The following DNAH5 variants were observed in gnomAD, a reference collection of about 807,000 sequenced individuals.
The protein encoded by DNAH5 is dynein axonemal heavy chain 5, also known as axonemal beta dynein heavy chain 5.
A neutral mutation model predicts 518.2 loss-of-function variants in DNAH5; 372 were observed. The observed-to-expected ratio is 0.72, with a 90% CI of 0.66 to 0.78. The LOEUF (loss-of-function observed/expected upper bound fraction) is 0.78. Among genes scored for constraint, DNAH5 ranks in the 30% least tolerant of loss-of-function variants. DNAH5 has a pLI of 0.00. For missense variants in DNAH5, 5,523 were observed against 5,687.0 expected (o/e 0.97, Z 0.93); for synonymous variants, 2,039 against 2,025.9 (o/e 1.01, Z -0.17).
At position 13,794,012 on chromosome 5, in the gene DNAH5, C is replaced by T. The variant is rs866732649; in HGVS notation, c.7934G>A (p.Gly2645Asp). 1 of 1,614,040 alleles carries T rather than the reference C, an allele frequency of 6.2e-7. No homozygotes were observed. The highest frequency in any genetic ancestry group is 8.5e-7 in the Non-Finnish European group (1 of 1,179,968). ...YVDKRMGTTY[G>D]PPAGKKMTVF... is the part of the protein sequence containing the mutation. ...AGTCATCTTCTTTCCCGCAGGAGGGCCATATGTTGTACCCATTCGTTTATC... is the reference window on the plus strand; with the variant it reads ...AGTCATCTTCTTTCCCGCAGGAGGGTCATATGTTGTACCCATTCGTTTATC... The change falls in exon 48 of 79, where the codon GGC becomes GAC. Residue 2645 changes from glycine to aspartate, a missense_variant. By Grantham distance (94) the Gly-to-Asp change is moderately conservative (BLOSUM62 -1). Around this residue, in one of 3 missense-constraint regions of DNAH5, gnomAD observed 5,121 missense variants for 5,223.3 expected, o/e 0.98. Coordinates refer to ENST00000265104, the MANE Select transcript of DNAH5 (RefSeq NM_001369.3).
At chr5:13,911,314 G>A in intron 12 of DNAH5, 72 bp downstream of exon 12, 1 of 1,178,764 alleles carries the variant, frequency 8.5e-7, no homozygotes, top group Non-Finnish European at 1.3e-6. Flanking sequence ...ATTGGGTAAT[G>A]ATTAACGGCA....
chr5:13,793,781 C>A (rs969863238), intron 48 of DNAH5, 53 bp from the exon 49 acceptor site: 1 of 1,587,994 alleles, frequency 6.3e-7, no homozygotes, highest in African/African-American at 1.3e-5. Flanking sequence ...ATCCCCGGAG[C>A]CTAACTCCTT....
intron 1 of DNAH5, among the ~76,000 whole-genome samples, chr5:13,941,377 T>A (rs765353852): frequency 2.8e-4 from 43 of 152,136 alleles, no homozygotes; most frequent in Admixed American, 5.2e-4. Flanking sequence ...AAAAAATTTT[T>A]AAATAGACAG....
At chr5:13,716,285 C>A (rs1421445782) in intron 74 of DNAH5, among the ~76,000 whole-genome samples, 2 of 152,074 alleles carry the variant, frequency 1.3e-5, no homozygotes, top group African/African-American at 4.8e-5. Flanking sequence ...ACGATTCACA[C>A]AAAACACACA....
chr5:13,972,857 C>T (rs937243701), intron 1 of DNAH5, among the ~76,000 whole-genome samples: 4 of 152,218 alleles, frequency 2.6e-5, no homozygotes, highest in African/African-American at 7.2e-5. Context: ...TGCCTCCTAT[C>T]TGCTATTTCT....
chr5:13,842,423 A>AAAAGAAAGAAAGAAAGAAAGAAAGAAAG (rs77171541), intron 32 of DNAH5, among the ~76,000 whole-genome samples: 3 of 75,898 alleles, frequency 4.0e-5, no homozygotes, highest in Non-Finnish European at 7.2e-5. Context: ...AAAAGAAAAG[A>AAAAGAAAGAAAGAAAGAAAGAAAGAAAG]AAAGAAAGAA....
intron 1 of DNAH5, among the ~76,000 whole-genome samples, chr5:13,950,345 T>C (rs1469788954): frequency 6.6e-6 from 1 of 152,138 alleles, no homozygotes; most frequent in African/African-American, 2.4e-5. Context: ...GGCGTGATCT[T>C]GGCTCACTAC....
chr5:13,752,062 TTCTA>T, intron 64 of DNAH5, 68 bp downstream of exon 64: 3 of 1,521,442 alleles, frequency 2.0e-6, no homozygotes, highest in Non-Finnish European at 2.7e-6. Flanking sequence ...ATTGAGAGAA[TTCTA>T]TCTGTGTCAC....
chr5:14,001,665 G>GA (rs1784361323), intron 1 of DNAH5, among the ~76,000 whole-genome samples: 2 of 149,196 alleles, frequency 1.3e-5, no homozygotes, highest in Non-Finnish European at 3.0e-5. Context: ...GCCCAGCCTA[G>GA]TTTTTTTCTT....
chr5:13,910,893 G>C (rs950519365), intron 12 of DNAH5, among the ~76,000 whole-genome samples: 3 of 152,240 alleles, frequency 2.0e-5, no homozygotes, highest in African/African-American at 7.2e-5. Context: ...TCTGCAGTGA[G>C]CAGGTGAAAG....
chr5:13,790,654 T>C (rs1756828495), intron 50 of DNAH5, among the ~76,000 whole-genome samples: 1 of 152,184 alleles, frequency 6.6e-6, no homozygotes, highest in South Asian at 2.1e-4. Flanking sequence ...GCTCCACACT[T>C]CTCCTTCTTG....
chr5:13,794,095 T>C (rs1283329776), intron 47 of DNAH5, 37 bp from the exon 48 acceptor site: 6 of 1,613,640 alleles, frequency 3.7e-6, no homozygotes, highest in Non-Finnish European at 1.7e-6. Flanking sequence ...TCTGTGAAAA[T>C]ATCCCCTAAA....
chr5:13,841,366 T>C (rs1765137724), intron 33 of DNAH5, among the ~76,000 whole-genome samples: 1 of 152,232 alleles, frequency 6.6e-6, no homozygotes, highest in Non-Finnish European at 1.5e-5. Context: ...TATTTTTCTT[T>C]TTTTAGTAAA....
At chr5:13,852,664 A>G (rs1434090443) in intron 30 of DNAH5, among the ~76,000 whole-genome samples, 1 of 152,142 alleles carries the variant, frequency 6.6e-6, no homozygotes, top group African/African-American at 2.4e-5. Context: ...GTCGACCGGG[A>G]ATGCTCCAGC....
intron 55 of DNAH5, among the ~76,000 whole-genome samples, chr5:13,775,755 C>A (rs1430062090): frequency 1.3e-5 from 2 of 152,118 alleles, no homozygotes; most frequent in Non-Finnish European, 2.9e-5. Context: ...CAGAATGCTT[C>A]CTCCGGCAAC....
chr5:13,953,344 T>C (rs1261997198), intron 1 of DNAH5, among the ~76,000 whole-genome samples: 1 of 152,214 alleles, frequency 6.6e-6, no homozygotes, highest in Non-Finnish European at 1.5e-5. Flanking sequence ...ACCTTGTTCC[T>C]GCTTCCAAAA....
At chr5:13,974,856 C>T (rs146057026) in intron 1 of DNAH5, among the ~76,000 whole-genome samples, 2 of 152,220 alleles carry the variant, frequency 1.3e-5, no homozygotes, top group Non-Finnish European at 2.9e-5. Context: ...GGAGGAGACA[C>T]AAGGTGGCTC....
At chr5:13,798,170 C>A (rs1015885091) in intron 47 of DNAH5, among the ~76,000 whole-genome samples, 6 of 152,010 alleles carry the variant, frequency 3.9e-5, no homozygotes, top group Admixed American at 3.9e-4. Context: ...AACCTGCACA[C>A]TGTGCACATG....
At chr5:13,976,677 ATGTG>A (rs139063732) in intron 1 of DNAH5, among the ~76,000 whole-genome samples, 26 of 141,006 alleles carry the variant, frequency 1.8e-4, no homozygotes, top group Non-Finnish European at 2.9e-4. Flanking sequence ...GAAAAAAACA[ATGTG>A]TGTGTGTGTA....
Sources: gnomAD v4.1 joint callset for allele counts (sites outside exome capture counted in the v4.1 genomes callset) on GRCh38, gnomAD v4.1.1 for gene constraint, gnomAD v4.1.1 regional missense constraint, MANE v1.5 for transcripts, NCBI Gene and HGNC (gene_info 2026-07-23, HGNC 2026-07-21) for gene names.